The following SAMTOR variants were observed in gnomAD, a reference collection of about 807,000 sequenced individuals.
SAMTOR encodes UPF0532 protein C7orf60.
the SAMTOR span, among the ~76,000 whole-genome samples, chr7:112,855,908 TAA>T: frequency 2.3e-4 from 33 of 145,718 alleles, 1 homozygote; most frequent in African/African-American, 8.0e-4. Flanking sequence ...TGGGGGAGAT[TAA>T]AAAAAAAAAA....
At chr7:112,912,006 A>G in the SAMTOR span, among the ~76,000 whole-genome samples, 4 of 151,844 alleles carry the variant, frequency 2.6e-5, no homozygotes, top group East Asian at 1.9e-4. Context: ...AATGCAATGT[A>G]TGAGACTTGA....
chr7:112,864,070 T>A, the SAMTOR span, among the ~76,000 whole-genome samples: 4 of 152,088 alleles, frequency 2.6e-5, no homozygotes, highest in Admixed American at 6.5e-5. Flanking sequence ...TATGCAGCTA[T>A]AAAAAAATGA....
chr7:112,924,021 G>C, the SAMTOR span, among the ~76,000 whole-genome samples: 3 of 148,028 alleles, frequency 2.0e-5, no homozygotes, highest in African/African-American at 7.5e-5. Flanking sequence ...GGAAGGGGAA[G>C]ATCACACTCT....
At chr7:112,829,617 C>T in the SAMTOR span, among the ~76,000 whole-genome samples, 1 of 152,238 alleles carries the variant, frequency 6.6e-6, no homozygotes, top group East Asian at 1.9e-4. Context: ...GTGGGTTCTA[C>T]ATAACTATGG....
chr7:112,911,559 C>T, the SAMTOR span, among the ~76,000 whole-genome samples: 1 of 151,964 alleles, frequency 6.6e-6, no homozygotes, highest in African/African-American at 2.4e-5. Flanking sequence ...AAAAATGACC[C>T]ATAACCAAAA....
chr7:112,878,333 C>T, the SAMTOR span, among the ~76,000 whole-genome samples: 1 of 152,072 alleles, frequency 6.6e-6, no homozygotes, highest in East Asian at 1.9e-4. Context: ...TTTGAACTAT[C>T]AGTACAAATT....
the SAMTOR span, among the ~76,000 whole-genome samples, chr7:112,905,787 T>A: frequency 5.3e-5 from 8 of 151,998 alleles, no homozygotes; most frequent in Non-Finnish European, 8.8e-5. Context: ...ATTAGAAATA[T>A]ATATATATAC....
chr7:112,853,844 A>G, the SAMTOR span, among the ~76,000 whole-genome samples: 3 of 152,162 alleles, frequency 2.0e-5, no homozygotes, highest in Admixed American at 1.3e-4. Flanking sequence ...ATACTTTGAA[A>G]TCAATGATCT....
At chr7:112,831,061 A>T in the SAMTOR span, among the ~76,000 whole-genome samples, 2 of 151,932 alleles carry the variant, frequency 1.3e-5, no homozygotes, top group African/African-American at 4.8e-5. Flanking sequence ...TATACTAGGC[A>T]CTCTTCTAGG....
At chr7:112,850,586 A>G in the SAMTOR span, among the ~76,000 whole-genome samples, 5 of 152,068 alleles carry the variant, frequency 3.3e-5, no homozygotes, top group African/African-American at 4.8e-5. Flanking sequence ...ACTATTAGTT[A>G]TTGTTCTGTT....
chr7:112,840,961 C>A, the SAMTOR span, among the ~76,000 whole-genome samples: 18 of 152,126 alleles, frequency 1.2e-4, no homozygotes, highest in African/African-American at 3.9e-4. Context: ...TTATGACAAA[C>A]CCACAGCCAA....
chr7:112,831,774 C>A, the SAMTOR span, among the ~76,000 whole-genome samples: 1 of 152,106 alleles, frequency 6.6e-6, no homozygotes, highest in South Asian at 2.1e-4. Context: ...TTATTGAGTT[C>A]CCATAATGTA....
the SAMTOR span, among the ~76,000 whole-genome samples, chr7:112,899,179 G>A: frequency 6.6e-6 from 1 of 151,908 alleles, no homozygotes; most frequent in East Asian, 1.9e-4. Context: ...GAATCTCAAT[G>A]AACTTCAAAA....
At chr7:112,842,473 C>T in the SAMTOR span, among the ~76,000 whole-genome samples, 2 of 151,868 alleles carry the variant, frequency 1.3e-5, no homozygotes, top group Non-Finnish European at 2.9e-5. Context: ...TCTGGCTTCC[C>T]GTCATCATTT....
the SAMTOR span, among the ~76,000 whole-genome samples, chr7:112,926,376 T>C: frequency 6.6e-6 from 1 of 152,298 alleles, no homozygotes; most frequent in South Asian, 2.1e-4. Flanking sequence ...AGAAACCTAC[T>C]ACCCTACAAC....
chr7:112,839,525 A>C, the SAMTOR span, among the ~76,000 whole-genome samples: 1 of 151,836 alleles, frequency 6.6e-6, no homozygotes, highest in South Asian at 2.1e-4. Context: ...CTTAGTCAAA[A>C]GATCAAACAT....
chr7:112,937,626 C>T, the SAMTOR span, among the ~76,000 whole-genome samples: 1 of 151,156 alleles, frequency 6.6e-6, no homozygotes, highest in African/African-American at 2.4e-5. Context: ...ACTTATTCTG[C>T]TAATTCACTG....
chr7:112,832,826 T>A, the SAMTOR span: 1 of 581,466 alleles, frequency 1.7e-6, no homozygotes, highest in Non-Finnish European at 3.1e-6. Flanking sequence ...CTGTGAGTTA[T>A]ATCTATTAAT....
At chr7:112,883,846 A>C in the SAMTOR span, among the ~76,000 whole-genome samples, 2 of 152,124 alleles carry the variant, frequency 1.3e-5, no homozygotes, top group African/African-American at 4.8e-5. Flanking sequence ...GTTGTATTTT[A>C]TGTATCCATT....
Sources: allele counts gnomAD v4.1 joint callset (sites outside exome capture counted in the v4.1 genomes callset), GRCh38; gene constraint gnomAD v4.1.1; transcripts MANE v1.5; gene names NCBI Gene and HGNC (gene_info 2026-07-23, HGNC 2026-07-21).